Variants in AFF3 observed in about 807,000 individuals in gnomAD.
The protein encoded by AFF3 is ALF transcription elongation factor 3.
AFF3 carries 32 observed loss-of-function variants against 129.7 expected under a neutral mutation model. The ratio of observed to expected loss-of-function variants is 0.25; its 90% CI spans 0.19 to 0.33. The LOEUF (loss-of-function observed/expected upper bound fraction) is 0.33, where lower values mean the gene tolerates loss of function less well. AFF3 is among the 10% of genes least tolerant of loss of function. The pLI, the probability that AFF3 is intolerant of heterozygous loss-of-function variation, is 1.00. For missense variants in AFF3, 1,373 were observed against 1,592.0 expected (o/e 0.86, Z 2.34); for synonymous variants, 644 against 635.4 (o/e 1.01, Z -0.20).
chr2:99,963,979 T>C (rs1482823105), intron 7 of AFF3, among the ~76,000 whole-genome samples: 1 of 152,098 alleles, frequency 6.6e-6, no homozygotes, highest in South Asian at 2.1e-4. Flanking sequence ...GCTATATTAA[T>C]ATCAGATAAA....
At chr2:99,986,332 G>A (rs1022086562) in intron 7 of AFF3, among the ~76,000 whole-genome samples, 2 of 151,598 alleles carry the variant, frequency 1.3e-5, no homozygotes, top group African/African-American at 4.8e-5. Flanking sequence ...ACCTCTTCAA[G>A]CGGCAAAATC....
At chr2:100,028,022 T>C (rs891708640) in intron 4 of AFF3, among the ~76,000 whole-genome samples, 2 of 152,196 alleles carry the variant, frequency 1.3e-5, no homozygotes, top group East Asian at 1.9e-4. Flanking sequence ...AAAAGAATGA[T>C]AAATATCTGA....
chr2:99,887,194 A>T (rs1301932613), intron 7 of AFF3, among the ~76,000 whole-genome samples: 1 of 152,200 alleles, frequency 6.6e-6, no homozygotes, highest in Non-Finnish European at 1.5e-5. Context: ...TTAGAAACAC[A>T]ACCTAAAAGG....
intron 8 of AFF3, among the ~76,000 whole-genome samples, chr2:99,808,491 T>A (rs1050266467): frequency 6.6e-6 from 1 of 152,186 alleles, no homozygotes; most frequent in African/African-American, 2.4e-5. Context: ...TACAGAGTGA[T>A]GAACAAGAAA....
chr2:99,837,554 G>T (rs191120569), intron 7 of AFF3, 30 bp from the exon 8 acceptor site: 2 of 1,599,326 alleles, frequency 1.3e-6, no homozygotes, highest in East Asian at 2.2e-5. Context: ...AATTAAGCCT[G>T]ATGGAATAGA....
intron 14 of AFF3, among the ~76,000 whole-genome samples, chr2:99,599,976 T>C (rs1332458853): frequency 6.6e-6 from 1 of 152,228 alleles, no homozygotes; most frequent in African/African-American, 2.4e-5. Context: ...GCTCAGTAAA[T>C]ATTTGTTGAA....
At chr2:99,574,090 C>T (rs946244561) in intron 18 of AFF3, among the ~76,000 whole-genome samples, 1 of 152,236 alleles carries the variant, frequency 6.6e-6, no homozygotes, top group Non-Finnish European at 1.5e-5. Context: ...AAGTAACTTA[C>T]AGCTCATGGC....
chr2:99,900,984 A>T (rs940825019), intron 7 of AFF3, among the ~76,000 whole-genome samples: 4 of 152,222 alleles, frequency 2.6e-5, no homozygotes, highest in Non-Finnish European at 5.9e-5. Flanking sequence ...CAGGCTCGTA[A>T]AAATGCAGGT....
intron 13 of AFF3, among the ~76,000 whole-genome samples, chr2:99,626,103 C>A (rs1682513682): frequency 6.6e-6 from 1 of 152,124 alleles, no homozygotes; most frequent in Admixed American, 6.5e-5. Context: ...CGTTTGGACA[C>A]TAGAACATTA....
At position 99,550,349 on chromosome 2, in the gene AFF3, C is replaced by CA. The variant is rs752265943; in HGVS notation, c.*1124dup. On this transcript the variant is annotated 3_prime_UTR_variant, in exon 25 of 25. Transcript: ENST00000672756. ...AAAGCCTGAAAAATCGCCCCCAAAT[C>CA]AAAACGCATCAAAGGGCTGCAGGTG... 1.2e-4 allele frequency: 28 copies of CA among 230,370 alleles called. No homozygotes were observed. Among genetic ancestry groups the CA allele is most frequent in the Non-Finnish European group, 2.2e-4 (26 of 116,330 alleles). 14.3% of individuals were successfully genotyped at this position (230,370 alleles called of 1,614,324 possible).
At chr2:99,585,906 T>A (rs1240865838) in intron 16 of AFF3, among the ~76,000 whole-genome samples, 2 of 152,124 alleles carry the variant, frequency 1.3e-5, no homozygotes, top group Non-Finnish European at 2.9e-5. Context: ...TTTTTTTATA[T>A]TTTTAGTAGA....
chr2:99,563,810 C>CAAAAAAAAAAAAAAAAAAA, intron 20 of AFF3, among the ~76,000 whole-genome samples: 1 of 76,078 alleles, frequency 1.3e-5, no homozygotes, highest in Non-Finnish European at 2.4e-5. Flanking sequence ...AATTTAGTCT[C>CAAAAAAAAAAAAAAAAAAA]AAAAAAAAAA....
At chr2:99,854,138 A>T (rs1242720354) in intron 7 of AFF3, among the ~76,000 whole-genome samples, 1 of 152,098 alleles carries the variant, frequency 6.6e-6, no homozygotes, top group Non-Finnish European at 1.5e-5. Context: ...GGTGATGATT[A>T]GTTTAGAACG....
At chr2:99,716,777 G>A (rs547052760) in intron 11 of AFF3, among the ~76,000 whole-genome samples, 1 of 151,920 alleles carries the variant, frequency 6.6e-6, no homozygotes, top group African/African-American at 2.4e-5. Flanking sequence ...GCTACTTTGG[G>A]GGGGCTGAGG....
intron 11 of AFF3, chr2:99,707,326 T>C (rs1316601156): frequency 6.1e-6 from 6 of 984,864 alleles, no homozygotes; most frequent in Non-Finnish European, 7.2e-6. Context: ...AAAATCAATC[T>C]TGAAGCTGTC....
intron 9 of AFF3, 104 bp downstream of exon 9, chr2:99,752,117 A>G (rs1169237533): frequency 7.7e-6 from 8 of 1,036,530 alleles, no homozygotes; most frequent in Admixed American, 2.0e-5. Flanking sequence ...TGCCTCTGGC[A>G]GGAATATTTA....
intron 7 of AFF3, among the ~76,000 whole-genome samples, chr2:99,959,696 CATATATATATAT>C (rs58551565): frequency 7.2e-6 from 1 of 138,118 alleles, no homozygotes; most frequent in African/African-American, 2.6e-5. Flanking sequence ...TAGTGTATAG[CATATATATATAT>C]ATATATATAT....
In AFF3 at chr2:99,565,610, C is replaced by G; in HGVS notation, c.2996G>C (p.Gly999Ala). 1 of 1,614,050 alleles carries G rather than the reference C, an allele frequency of 6.2e-7. No individual in the cohort carries two copies. Among genetic ancestry groups the G allele is most frequent in the Non-Finnish European group, 8.5e-7 (1 of 1,179,934 alleles). Residue 999 changes from glycine to alanine, a missense_variant, in exon 20 of 25, where the codon GGA becomes GCA. Transcript: ENST00000672756. The stretch of plus-strand genomic sequence containing the variant: ...TGCTTCAGCATAGTTCAAAGCCTTT[C>G]CAAACTTTTCCACCTGATCAACAGA... ...HKADAMVEKF[G>A]KALNYAEAAL...
At chr2:99,799,261 C>T (rs1685759971) in intron 8 of AFF3, among the ~76,000 whole-genome samples, 1 of 151,682 alleles carries the variant, frequency 6.6e-6, no homozygotes, top group Admixed American at 6.6e-5. Flanking sequence ...AAAAGAAGCA[C>T]TAGTGAGCTT....
Sources: gnomAD v4.1 joint callset for allele counts (sites outside exome capture counted in the v4.1 genomes callset) on GRCh38, gnomAD v4.1.1 for gene constraint, MANE v1.5 for transcripts, NCBI Gene and HGNC (gene_info 2026-07-23, HGNC 2026-07-21) for gene names.